The following NALF1 variants were observed in gnomAD, a reference collection of about 807,000 sequenced individuals.
NALF1 encodes family with sequence similarity 155 member A.
NALF1 carries 3 observed loss-of-function variants against 48.4 expected under a neutral mutation model. The ratio of observed to expected loss-of-function variants is 0.06; its 90% confidence interval spans 0.03 to 0.16. The LOEUF (loss-of-function observed/expected upper bound fraction) is 0.16, where lower values mean the gene tolerates loss of function less well. NALF1 is among the 10% of genes least tolerant of loss of function. The pLI, the probability that NALF1 is intolerant of heterozygous loss-of-function variation, is 1.00. For missense variants in NALF1, 526 were observed against 571.5 expected (o/e 0.92, Z 0.81); for synonymous variants, 262 against 245.7 (o/e 1.07, Z -0.62).
chr13:107,746,355 T>A (rs1876780625), intron 1 of NALF1, among the ~76,000 whole-genome samples: 1 of 152,176 alleles, frequency 6.6e-6, no homozygotes, highest in African/African-American at 2.4e-5. Flanking sequence ...TACACAGGGT[T>A]TAACCCAAGG....
At chr13:107,193,948 C>G (rs1001379287) in intron 2 of NALF1, among the ~76,000 whole-genome samples, 2 of 152,128 alleles carry the variant, frequency 1.3e-5, no homozygotes, top group Non-Finnish European at 2.9e-5. Flanking sequence ...TATTGAATCT[C>G]TCCATGTACA....
chr13:107,173,782 T>A (rs1878854507), intron 2 of NALF1, among the ~76,000 whole-genome samples: 1 of 152,224 alleles, frequency 6.6e-6, no homozygotes, highest in Non-Finnish European at 1.5e-5. Context: ...TAATTGATTG[T>A]TTGGCTGGGT....
intron 1 of NALF1, among the ~76,000 whole-genome samples, chr13:107,730,259 C>T (rs147680679): frequency 1.2e-3 from 185 of 152,248 alleles, no homozygotes; most frequent in African/African-American, 4.2e-3. Flanking sequence ...ATTGCAGATA[C>T]AAGAATGCAT....
intron 1 of NALF1, among the ~76,000 whole-genome samples, chr13:107,231,515 A>G (rs1377158856): frequency 6.6e-6 from 1 of 152,210 alleles, no homozygotes; most frequent in South Asian, 2.1e-4. Flanking sequence ...ACGTCTTTAC[A>G]TGGAAGAGTT....
intron 1 of NALF1, among the ~76,000 whole-genome samples, chr13:107,736,301 G>A (rs1363407257): frequency 1.3e-5 from 2 of 152,138 alleles, no homozygotes; most frequent in African/African-American, 2.4e-5. Context: ...CTGTAACAGA[G>A]TGCAGTGGCG....
intron 1 of NALF1, among the ~76,000 whole-genome samples, chr13:107,325,351 T>A (rs145840919): frequency 1.2e-3 from 180 of 152,266 alleles, no homozygotes; most frequent in South Asian, 2.7e-3. Flanking sequence ...TTCTTTCACA[T>A]CTATTTTAAA....
intron 1 of NALF1, among the ~76,000 whole-genome samples, chr13:107,619,395 T>C (rs972118520): frequency 6.6e-6 from 1 of 152,168 alleles, no homozygotes; most frequent in African/African-American, 2.4e-5. Flanking sequence ...AGAACTTTTA[T>C]TGATTTGGAG....
chr13:107,649,130 T>C (rs541418276), intron 1 of NALF1, among the ~76,000 whole-genome samples: 1 of 152,328 alleles, frequency 6.6e-6, no homozygotes, highest in South Asian at 2.1e-4. Flanking sequence ...ACCTATGTTT[T>C]ATTTCTTCAT....
intron 1 of NALF1, among the ~76,000 whole-genome samples, chr13:107,566,566 C>T (rs1309040583): frequency 6.6e-6 from 1 of 152,196 alleles, no homozygotes; most frequent in Admixed American, 6.5e-5. Flanking sequence ...GCCACCCTAA[C>T]CAGAGCCTCA....
intron 1 of NALF1, among the ~76,000 whole-genome samples, chr13:107,587,842 GCTCT>G (rs1236758999): frequency 2.6e-5 from 4 of 152,226 alleles, no homozygotes; most frequent in Middle Eastern, 6.8e-3. Context: ...CAGGTGCACA[GCTCT>G]CTCACATGGA....
At chr13:107,424,694 G>A (rs1377053130) in intron 1 of NALF1, among the ~76,000 whole-genome samples, 1 of 152,128 alleles carries the variant, frequency 6.6e-6, no homozygotes, top group Non-Finnish European at 1.5e-5. Context: ...GGAGAATACT[G>A]GCTAACTTCA....
chr13:107,638,869 G>A (rs1267274562), intron 1 of NALF1, among the ~76,000 whole-genome samples: 1 of 152,146 alleles, frequency 6.6e-6, no homozygotes, highest in Non-Finnish European at 1.5e-5. Context: ...GTGGGCTACA[G>A]GAAGGTGATG....
At chr13:107,523,344 G>A (rs1876309784) in intron 1 of NALF1, among the ~76,000 whole-genome samples, 1 of 152,066 alleles carries the variant, frequency 6.6e-6, no homozygotes, top group Non-Finnish European at 1.5e-5. Context: ...GTGCCCTTGT[G>A]CACCACTGCA....
intron 1 of NALF1, among the ~76,000 whole-genome samples, chr13:107,706,325 A>G (rs1327701911): frequency 1.3e-5 from 2 of 152,176 alleles, no homozygotes; most frequent in African/African-American, 4.8e-5. Flanking sequence ...TTTATCTTCT[A>G]TTTAGGAAGA....
At chr13:107,182,659 C>T (rs1161558436) in intron 2 of NALF1, among the ~76,000 whole-genome samples, 12 of 152,092 alleles carry the variant, frequency 7.9e-5, no homozygotes, top group Admixed American at 3.9e-4. Context: ...TTTAAAAAAT[C>T]GCACACACTT....
intron 1 of NALF1, among the ~76,000 whole-genome samples, chr13:107,492,842 C>A (rs1293523726): frequency 6.6e-6 from 1 of 152,036 alleles, no homozygotes; most frequent in East Asian, 1.9e-4. Flanking sequence ...AAAAAACGTA[C>A]ACAATTTTGT....
chr13:107,736,700 T>TA (rs775189137), intron 1 of NALF1, among the ~76,000 whole-genome samples: 13 of 152,222 alleles, frequency 8.5e-5, no homozygotes, highest in Non-Finnish European at 1.8e-4. Flanking sequence ...TCTAGTCATT[T>TA]AAGCTAGTGC....
intron 1 of NALF1, among the ~76,000 whole-genome samples, chr13:107,305,736 G>T (rs568676161): frequency 6.6e-6 from 1 of 152,256 alleles, no homozygotes; most frequent in East Asian, 1.9e-4. Flanking sequence ...TTGAGCAAAA[G>T]AAGTCAGACA....
chr13:107,696,039 G>A (rs1263063426), intron 1 of NALF1, among the ~76,000 whole-genome samples: 3 of 151,974 alleles, frequency 2.0e-5, no homozygotes, highest in African/African-American at 7.2e-5. Context: ...TGGGATTACA[G>A]CCATGCACCA....
Sources: gnomAD v4.1 joint callset for allele counts (sites outside exome capture counted in the v4.1 genomes callset) on GRCh38, gnomAD v4.1.1 for gene constraint, MANE v1.5 for transcripts, NCBI Gene and HGNC (gene_info 2026-07-23, HGNC 2026-07-21) for gene names.